NLGN1: variants seen among roughly 807,000 people sequenced by gnomAD.
NLGN1 encodes neuroligin 1, also known as neuroligin-1.
A neutral mutation model predicts 65.5 loss-of-function variants in NLGN1; 12 were observed. That is an observed-to-expected ratio of 0.18 (90% CI 0.12 to 0.30). NLGN1 has a LOEUF of 0.30. Among genes scored for constraint, NLGN1 ranks in the 10% least tolerant of loss-of-function variants. NLGN1 has a pLI of 1.00. For synonymous variants in NLGN1, 350 were observed against 359.5 expected (o/e 0.97, Z 0.30); for missense variants, 750 against 1,007.1 (o/e 0.74, Z 3.46).
chr3:173,562,957 T>C (rs757330714), intron 2 of NLGN1, among the ~76,000 whole-genome samples: 1 of 152,088 alleles, frequency 6.6e-6, no homozygotes, highest in African/African-American at 2.4e-5. Flanking sequence ...GGCTGAACTA[T>C]TTATCTCACC....
intron 4 of NLGN1, among the ~76,000 whole-genome samples, chr3:174,226,496 T>A (rs985341861): frequency 1.3e-5 from 2 of 152,130 alleles, no homozygotes; most frequent in Non-Finnish European, 2.9e-5. Flanking sequence ...ACGGAAGTAA[T>A]GATTTTAAGT....
chr3:174,011,475 T>C (rs762914344), intron 4 of NLGN1, among the ~76,000 whole-genome samples: 2 of 152,130 alleles, frequency 1.3e-5, no homozygotes, highest in Admixed American at 6.6e-5. Context: ...TTCAGAACAA[T>C]GAATATAAAT....
intron 4 of NLGN1, among the ~76,000 whole-genome samples, chr3:174,216,533 G>C (rs1384611952): frequency 6.6e-6 from 1 of 152,104 alleles, no homozygotes; most frequent in African/African-American, 2.4e-5. Context: ...TTGGGAAACT[G>C]AGTAGATAGA....
chr3:173,692,435 A>G (rs1765608526), intron 3 of NLGN1, among the ~76,000 whole-genome samples: 2 of 152,132 alleles, frequency 1.3e-5, no homozygotes, highest in Non-Finnish European at 2.9e-5. Flanking sequence ...CCTAAATGTT[A>G]TGTGACCGCG....
In NLGN1 at chr3:174,279,912, C is replaced by T. The variant is rs886492685; in HGVS notation, c.1649+262C>T. On this transcript the variant is annotated intron_variant, in intron 6 of 6. Transcript: ENST00000457714. The surrounding 1 kb of genome is among the most constrained non-coding windows in gnomAD (Gnocchi z 4.7). The stretch of plus-strand genomic sequence containing the variant: ...ATCTGCTTTTGGTTTTTGAATTATA[C>T]AAGACTTGTTATTGTTCAGCAGTAA... Among the ~76,000 whole-genome samples the T allele has an allele frequency of 2.0e-5, 3 of 152,076 alleles. No homozygotes were observed. The highest frequency in any genetic ancestry group is 3.9e-4 in the East Asian group (2 of 5,144).
At chr3:173,561,399 A>G (rs1742704220) in intron 2 of NLGN1, among the ~76,000 whole-genome samples, 1 of 152,024 alleles carries the variant, frequency 6.6e-6, no homozygotes, top group Non-Finnish European at 1.5e-5. Context: ...TTTGTTTCCA[A>G]ATCTCGTAGC....
chr3:174,057,811 G>A (rs1736507763), intron 4 of NLGN1: 1 of 152,032 alleles, frequency 6.6e-6, no homozygotes, highest in Admixed American at 6.6e-5. Context: ...TCATGTTGTT[G>A]AATTCTATGT....
intron 5 of NLGN1, among the ~76,000 whole-genome samples, chr3:174,278,297 T>G (rs1296158506): frequency 1.3e-5 from 2 of 151,994 alleles, no homozygotes; most frequent in Non-Finnish European, 2.9e-5. Context: ...AAAGTGATAT[T>G]CTGTTTTGTG....
At chr3:173,807,853 G>C (rs769418866) in intron 4 of NLGN1, 21 bp downstream of exon 4, 1 of 1,607,654 alleles carries the variant, frequency 6.2e-7, no homozygotes, top group East Asian at 2.2e-5. Context: ...TCTCTCTTTT[G>C]TTTTCACCAT....
intron 3 of NLGN1, among the ~76,000 whole-genome samples, chr3:173,649,877 AAT>A (rs1231053291): frequency 6.6e-6 from 1 of 152,108 alleles, no homozygotes; most frequent in Non-Finnish European, 1.5e-5. Flanking sequence ...TTATTTAAAA[AAT>A]ATAGTTTTTC....
upstream of NLGN1, chr3:173,396,407 T>C (rs1716643987): frequency 6.6e-6 from 1 of 152,224 alleles, no homozygotes; most frequent in Admixed American, 6.5e-5. Context: ...GCTTTTCATT[T>C]TGGATTTACA....
chr3:173,746,717 A>G (rs1775438782), intron 3 of NLGN1, among the ~76,000 whole-genome samples: 1 of 152,046 alleles, frequency 6.6e-6, no homozygotes, highest in South Asian at 2.1e-4. Flanking sequence ...TTGTCACCAG[A>G]AGATAAGTAA....
rs201917428 is a variant in NLGN1, at chr3:174,280,699, C to T, written c.1868C>T (p.Thr623Ile). ...AATCTCAATGACATTTCTCAGTATA[C>T]CTCTACAACAACTAAAGTGCCATCA... The change falls in exon 7 of 7, where the codon ACC (threonine) becomes ATC (isoleucine). Residue 623 changes from threonine (T) to isoleucine (I), a missense_variant. Thr to Ile is a moderately conservative substitution (Grantham distance 89). Coordinates refer to ENST00000457714, the Ensembl canonical transcript of NLGN1. This position sits in a 1 kb window ranked among gnomAD's most constrained non-coding sequence, Gnocchi z 4.9. 6.2e-7 allele frequency: 1 copy of T among 1,613,318 alleles called. No individual in the cohort carries two copies. The highest frequency in any genetic ancestry group is 2.2e-5 in the East Asian group (1 of 44,812).
Position 173,733,640 on chromosome 3 carries a change from T to C in NLGN1, c.494-74040T>C, listed in dbSNP as rs188633729. On this transcript the variant is annotated intron_variant, in intron 3 of 6. Transcript: ENST00000457714. ...TCCTAACTTCACCTTGAAATCTTGG[T>C]GCATGTTTATGACACCACTTTTCAA... 9.9e-5 allele frequency among the ~76,000 whole-genome samples: 15 copies of C among 152,232 alleles called. No homozygotes were observed. The East Asian group carries it at 2.7e-3, about 28-fold the overall frequency.
intron 4 of NLGN1, among the ~76,000 whole-genome samples, chr3:173,812,379 A>AGACTAT (rs945813493): frequency 1.1e-4 from 17 of 152,296 alleles, no homozygotes; most frequent in African/African-American, 3.4e-4. Flanking sequence ...TCTTAAAATT[A>AGACTAT]GACTATCTAT....
At chr3:173,592,816 T>G (rs1748760573) in intron 2 of NLGN1, among the ~76,000 whole-genome samples, 1 of 152,180 alleles carries the variant, frequency 6.6e-6, no homozygotes, top group Non-Finnish European at 1.5e-5. Flanking sequence ...TCATGCCATT[T>G]GTATGATTAT....
intron 4 of NLGN1, among the ~76,000 whole-genome samples, chr3:174,001,976 TA>T (rs1357493571): frequency 1.4e-5 from 2 of 144,230 alleles, no homozygotes; most frequent in African/African-American, 5.2e-5. Context: ...ATGACATGGA[TA>T]AAAAGATGCC....
chr3:174,061,143 A>G (rs1399093646), intron 4 of NLGN1, among the ~76,000 whole-genome samples: 2 of 152,120 alleles, frequency 1.3e-5, no homozygotes, highest in Non-Finnish European at 2.9e-5. Context: ...GTGCATCATT[A>G]AAAGGTCGTA....
intron 2 of NLGN1, among the ~76,000 whole-genome samples, chr3:173,438,138 A>G (rs1275997324): frequency 2.0e-5 from 3 of 152,142 alleles, no homozygotes. Flanking sequence ...AAACAGAAAT[A>G]AGCCTTTGAT....
Sources: allele counts gnomAD v4.1 joint callset (sites outside exome capture counted in the v4.1 genomes callset), GRCh38; gene constraint gnomAD v4.1.1; non-coding constraint Gnocchi (gnomAD v3.1); transcripts MANE v1.5; gene names NCBI Gene and HGNC (gene_info 2026-07-23, HGNC 2026-07-21).